The following CEMIP variants were observed in gnomAD, a reference collection of about 807,000 sequenced individuals.
CEMIP encodes the protein cell migration inducing hyaluronidase 1.
A neutral mutation model predicts 156.9 loss-of-function variants in CEMIP; 105 were observed. The observed-to-expected ratio is 0.67, with a 90% CI of 0.57 to 0.79. CEMIP has a LOEUF of 0.79. CEMIP is among the 30% of genes least tolerant of loss of function. CEMIP has a pLI of 0.00. For synonymous variants in CEMIP, 676 were observed against 668.4 expected, an observed-to-expected ratio of 1.01 and a Z score of -0.17; for missense variants, 1,457 against 1,769.4, an observed-to-expected ratio of 0.82 and a Z score of 3.17.
intron 25 of CEMIP, among the ~76,000 whole-genome samples, chr15:80,940,895 C>T (rs1465047117): frequency 6.6e-6 from 1 of 152,230 alleles, no homozygotes; most frequent in Non-Finnish European, 1.5e-5. Flanking sequence ...CTTCCTCTCG[C>T]GATTCCTTAG....
At chr15:80,851,946 A>G (rs931925198) in intron 1 of CEMIP, among the ~76,000 whole-genome samples, 1 of 152,216 alleles carries the variant, frequency 6.6e-6, no homozygotes, top group African/African-American at 2.4e-5. Context: ...TGGGCTGACC[A>G]TCAGGAGGCC....
chr15:80,928,786 T>C, intron 19 of CEMIP, 116 bp from the exon 20 acceptor site: 1 of 1,301,610 alleles, frequency 7.7e-7, no homozygotes, highest in Non-Finnish European at 1.1e-6. Flanking sequence ...TAGAGACTCC[T>C]TCCTCTGCAC....
chr15:80,910,714 C>T (rs1900018077), intron 14 of CEMIP, among the ~76,000 whole-genome samples: 1 of 152,152 alleles, frequency 6.6e-6, no homozygotes, highest in African/African-American at 2.4e-5. Context: ...CCTCTCTGAA[C>T]CTCAGTTTCC....
At chr15:80,891,709 C>T (rs772074506) in intron 10 of CEMIP, among the ~76,000 whole-genome samples, 1 of 152,214 alleles carries the variant, frequency 6.6e-6, no homozygotes, top group Non-Finnish European at 1.5e-5. Context: ...ATTCAAACCT[C>T]CATCTCTACC....
rs1899166615 is a variant in CEMIP, at chr15:80,895,036, A to G, written c.1133A>G (p.Lys378Arg). 6.2e-6 allele frequency: 10 copies of G among 1,614,092 alleles called. No individual in the cohort carries two copies. Among genetic ancestry groups the G allele is most frequent in the South Asian group, 2.2e-5 (2 of 91,090 alleles). The change falls in exon 11 of 30, where the codon AAA (lysine) becomes AGA (arginine). Residue 378 changes from lysine to arginine, a missense_variant. Lys to Arg is a conservative substitution (Grantham distance 26). This residue lies in a region of CEMIP where 280 missense variants were observed against 300.3 expected (regional missense o/e 0.93). Coordinates refer to ENST00000394685, the MANE Select transcript of CEMIP (RefSeq NM_001293298.2). ...AACCTCAGCACCGAGGTTGTCTACA[A>G]AAAAGGCCAGGATTATAGGTTTGCT... Reference protein sequence around the residue: ...GVNLSTEVVYKKGQDYRFACY... With the variant: ...GVNLSTEVVYRKGQDYRFACY...
intron 28 of CEMIP, among the ~76,000 whole-genome samples, chr15:80,946,137 G>A (rs753165222): frequency 2.0e-5 from 3 of 152,178 alleles, no homozygotes; most frequent in South Asian, 2.1e-4. Context: ...GGTACAACCC[G>A]AGCATCATGG....
intron 17 of CEMIP, among the ~76,000 whole-genome samples, chr15:80,923,356 A>G (rs1225019268): frequency 6.6e-5 from 10 of 152,148 alleles, no homozygotes; most frequent in Admixed American, 6.5e-4. Flanking sequence ...TGCAGGGGGC[A>G]TACTGCTGTT....
rs1356112909 is a variant in CEMIP, at chr15:80,928,876, G to A, written c.2421-26G>A. On this transcript the variant is annotated intron_variant, in intron 19 of 29. Coordinates refer to ENST00000394685, the MANE Select transcript of CEMIP (RefSeq NM_001293298.2). ...TGAATGTGAAGCCAGGGCATGCTCT[G>A]ACTATCTATCTGCTCTTGCCCACAG... 3 of 1,613,014 alleles carry A rather than the reference G, an allele frequency of 1.9e-6. No homozygotes were observed. In the African/African-American group the frequency reaches 4.0e-5, roughly 22 times the overall value.
chr15:80,827,145 A>T (rs145301884), intron 1 of CEMIP, among the ~76,000 whole-genome samples: 5 of 152,284 alleles, frequency 3.3e-5, no homozygotes, highest in African/African-American at 1.2e-4. Flanking sequence ...TCACCTGGGG[A>T]TAGGTGACGT....
chr15:80,833,114 C>A (rs1897193995), intron 1 of CEMIP, among the ~76,000 whole-genome samples: 1 of 152,134 alleles, frequency 6.6e-6, no homozygotes, highest in Non-Finnish European at 1.5e-5. Context: ...TAAAGTTAGT[C>A]CATATGCACA....
At chr15:80,835,731 G>A (rs946020446) in intron 1 of CEMIP, among the ~76,000 whole-genome samples, 4 of 152,156 alleles carry the variant, frequency 2.6e-5, no homozygotes, top group Admixed American at 6.5e-5. Context: ...GGATTTCTTA[G>A]GGGTTTCCTC....
chr15:80,810,357 T>C (rs1024554221), intron 1 of CEMIP, among the ~76,000 whole-genome samples: 2 of 152,092 alleles, frequency 1.3e-5, no homozygotes, highest in East Asian at 1.9e-4. Context: ...TTGAGTCACC[T>C]GTGTTTTTTT....
At chr15:80,935,763 C>T (rs1901097446) in intron 23 of CEMIP, among the ~76,000 whole-genome samples, 1 of 152,052 alleles carries the variant, frequency 6.6e-6, no homozygotes, top group African/African-American at 2.4e-5. Context: ...TGGAGTTTCG[C>T]TCTTGTTGCC....
At chr15:80,847,126 A>G (rs1003205590) in intron 1 of CEMIP, among the ~76,000 whole-genome samples, 1 of 152,092 alleles carries the variant, frequency 6.6e-6, no homozygotes, top group Non-Finnish European at 1.5e-5. Context: ...TCTCTATAGG[A>G]AAGCCTTGAC....
rs80249165 is a variant in CEMIP, at chr15:80,805,000, T to A, written c.-176+25386T>A. The stretch of plus-strand genomic sequence containing the variant: ...CACATGGCTGCACGGAGAACTACCA[T>A]GGCCACCCTGGAACTGCACGTTTTC... On this transcript the variant is annotated intron_variant, in intron 1 of 29. Coordinates refer to ENST00000394685, the MANE Select transcript of CEMIP (RefSeq NM_001293298.2). Among the ~76,000 whole-genome samples, 1,036 of 152,270 alleles carry A rather than the reference T, an allele frequency of 6.8e-3. 17 individuals are homozygous for A. The highest frequency in any genetic ancestry group is 0.021 in the African/African-American group (858 of 41,538).
At chr15:80,881,191 A>G in intron 6 of CEMIP, 55 bp downstream of exon 6, 1 of 1,502,478 alleles carries the variant, frequency 6.7e-7, no homozygotes, top group Admixed American at 1.7e-5. Context: ...ACACTTATTG[A>G]GTGTGCTCCC....
At chr15:80,905,860 C>T (rs973553824) in intron 12 of CEMIP, among the ~76,000 whole-genome samples, 4 of 151,966 alleles carry the variant, frequency 2.6e-5, no homozygotes, top group Admixed American at 6.5e-5. Flanking sequence ...CCACCGACAC[C>T]AGAGGAAGGG....
At chr15:80,875,082 G>T (rs998971308) in intron 3 of CEMIP, among the ~76,000 whole-genome samples, 17 of 134,314 alleles carry the variant, frequency 1.3e-4, no homozygotes, top group Non-Finnish European at 2.6e-4. Flanking sequence ...TGCCTAAGCT[G>T]GAGTGCAGTG....
At chr15:80,922,275 A>T (rs1006741588) in intron 17 of CEMIP, 138 bp downstream of exon 17, 1 of 1,199,114 alleles carries the variant, frequency 8.3e-7, no homozygotes, top group Admixed American at 1.9e-5. Context: ...AAGAAAATGG[A>T]GCAGCCTTGC....
Sources: allele counts gnomAD v4.1 joint callset (sites outside exome capture counted in the v4.1 genomes callset), GRCh38; gene constraint gnomAD v4.1.1; regional missense constraint gnomAD v4.1.1; transcripts MANE v1.5; gene names NCBI Gene and HGNC (gene_info 2026-07-23, HGNC 2026-07-21).